FAAH2: variants seen among roughly 807,000 people sequenced by gnomAD.
FAAH2 encodes the protein fatty acid amide hydrolase 2.
A neutral mutation model predicts 36.9 loss-of-function variants in FAAH2; 60 were observed. The observed-to-expected ratio is 1.63, with a 90% CI of 1.32 to 2.02. The LOEUF is 2.02. Ranked by LOEUF, FAAH2 falls within the 30% of genes most tolerant of loss-of-function variation. The pLI is 0.00. For missense variants in FAAH2, 689 were observed against 397.5 expected (o/e 1.73, Z -6.23); for synonymous variants, 214 against 143.8 (o/e 1.49, Z -3.49).
chrX:57,423,918 C>T (rs2056096926), intron 7 of FAAH2, among the ~76,000 whole-genome samples: 1 of 111,833 alleles, frequency 8.9e-6, no homozygotes, highest in Admixed American at 9.5e-5. Flanking sequence ...AGCTGGCTCT[C>T]ACCTGAAAGT....
chrX:57,339,749 A>T (rs2053641402), intron 4 of FAAH2, among the ~76,000 whole-genome samples: 1 of 112,227 alleles, frequency 8.9e-6, no homozygotes, highest in Non-Finnish European at 1.9e-5. Context: ...CCAAGGAACA[A>T]CAGATGCTAG....
At chrX:57,239,003 G>A in the FAAH2 span, among the ~76,000 whole-genome samples, 1 of 112,025 alleles carries the variant, frequency 8.9e-6, no homozygotes, top group Admixed American at 9.5e-5. Context: ...CCATGGTGAT[G>A]GGATTATTTT....
intron 5 of FAAH2, among the ~76,000 whole-genome samples, chrX:57,352,050 G>GTA (rs201980797): frequency 0.012 from 41 of 3,434 alleles, 4 homozygotes; most frequent in Non-Finnish European, 0.021. Context: ...ATATATATGT[G>GTA]TATATATATA....
intron 2 of FAAH2, among the ~76,000 whole-genome samples, chrX:57,310,209 G>A (rs1272687498): frequency 9.0e-6 from 1 of 111,727 alleles, no homozygotes; most frequent in Non-Finnish European, 1.9e-5. Flanking sequence ...ATGTTTGTTG[G>A]CTGCATAAAT....
intron 7 of FAAH2, among the ~76,000 whole-genome samples, chrX:57,408,986 G>T (rs2147330778): frequency 9.0e-6 from 1 of 111,240 alleles, no homozygotes; most frequent in Admixed American, 9.6e-5. Context: ...CAGAAGCATA[G>T]ATGGTATAGC....
At chrX:57,188,301 C>A in the FAAH2 span, among the ~76,000 whole-genome samples, 1 of 110,955 alleles carries the variant, frequency 9.0e-6, no homozygotes, top group African/African-American at 3.3e-5. Flanking sequence ...AGGGTGTATG[C>A]ATCCAGGAAT....
At chrX:57,362,579 G>C (rs1436033364) in intron 5 of FAAH2, among the ~76,000 whole-genome samples, 1 of 111,408 alleles carries the variant, frequency 9.0e-6, no homozygotes, top group Non-Finnish European at 1.9e-5. Context: ...GGTTTCTTTT[G>C]CTGTGCAAAA....
intron 7 of FAAH2, among the ~76,000 whole-genome samples, chrX:57,428,013 A>G (rs1192039329): frequency 1.8e-5 from 2 of 111,680 alleles, no homozygotes; most frequent in African/African-American, 6.5e-5. Flanking sequence ...TAAAGACTCT[A>G]CCCCAAAGAC....
At chrX:57,170,219 TTTGTTG>T in the FAAH2 span, among the ~76,000 whole-genome samples, 3 of 111,575 alleles carry the variant, frequency 2.7e-5, no homozygotes, top group African/African-American at 6.5e-5. Flanking sequence ...TCACAGAGTA[TTTGTTG>T]TTGTTGTTGT....
At chrX:57,157,315 A>G in the FAAH2 span, among the ~76,000 whole-genome samples, 1 of 111,759 alleles carries the variant, frequency 8.9e-6, no homozygotes, top group Non-Finnish European at 1.9e-5. Context: ...TGTAGTCATG[A>G]TGGCCTGGTT....
At chrX:57,160,054 C>T in the FAAH2 span, among the ~76,000 whole-genome samples, 2 of 111,755 alleles carry the variant, frequency 1.8e-5, no homozygotes, top group African/African-American at 3.3e-5. Flanking sequence ...TGAAGCATTG[C>T]TGAATTTTGT....
the FAAH2 span, among the ~76,000 whole-genome samples, chrX:57,130,553 A>T: frequency 8.9e-6 from 1 of 112,195 alleles, no homozygotes. Flanking sequence ...ATTTTATTCA[A>T]CATTTTAAAG....
At chrX:57,480,509 T>A (rs758530144) in intron 10 of FAAH2, among the ~76,000 whole-genome samples, 1 of 111,656 alleles carries the variant, frequency 9.0e-6, no homozygotes, top group African/African-American at 3.3e-5. Context: ...TTAGTTTGTT[T>A]GGATGTGAAA....
At chrX:57,403,147 G>C (rs1173335374) in intron 7 of FAAH2, among the ~76,000 whole-genome samples, 1 of 111,882 alleles carries the variant, frequency 8.9e-6, no homozygotes, top group Non-Finnish European at 1.9e-5. Context: ...GAATTCTCCA[G>C]AATACATCTT....
intron 5 of FAAH2, among the ~76,000 whole-genome samples, chrX:57,373,827 T>C (rs1176213024): frequency 2.7e-5 from 3 of 111,900 alleles, no homozygotes; most frequent in Non-Finnish European, 5.7e-5. Context: ...TTCGATATTA[T>C]TTTCTAGAAT....
At chrX:57,157,868 C>T in the FAAH2 span, among the ~76,000 whole-genome samples, 27 of 109,178 alleles carry the variant, frequency 2.5e-4, no homozygotes, top group Non-Finnish European at 4.4e-4. Flanking sequence ...TTATATTATA[C>T]TTTAAGTTTT....
the FAAH2 span, among the ~76,000 whole-genome samples, chrX:57,157,879 A>G: frequency 4.6e-5 from 5 of 109,608 alleles, no homozygotes; most frequent in African/African-American, 1.7e-4. Context: ...TTTAAGTTTT[A>G]GGGTACATGT....
chrX:57,240,160 G>A, the FAAH2 span, among the ~76,000 whole-genome samples: 1 of 111,791 alleles, frequency 8.9e-6, no homozygotes, highest in Non-Finnish European at 1.9e-5. Context: ...GTGGGCTGAT[G>A]TTCATTTAAT....
intron 10 of FAAH2, among the ~76,000 whole-genome samples, chrX:57,480,704 G>A (rs776401708): frequency 9.0e-4 from 100 of 110,898 alleles, no homozygotes; most frequent in African/African-American, 3.1e-3. Flanking sequence ...AGAATCTGGC[G>A]ATTAGGTGTC....
Sources: allele counts gnomAD v4.1 joint callset (sites outside exome capture counted in the v4.1 genomes callset), GRCh38; gene constraint gnomAD v4.1.1; transcripts MANE v1.5; gene names NCBI Gene and HGNC (gene_info 2026-07-23, HGNC 2026-07-21).